The following SYTL2 variants were observed in gnomAD, a reference collection of about 807,000 sequenced individuals.
SYTL2 encodes synaptotagmin-like protein 2.
Under a neutral mutation model 198.7 loss-of-function variants are expected in SYTL2, and 165 were observed. That is an observed-to-expected ratio of 0.83 (90% CI 0.73 to 0.94). The LOEUF (loss-of-function observed/expected upper bound fraction) is 0.94, where lower values mean the gene tolerates loss of function less well. Ranked by LOEUF, SYTL2 falls within the 40% of genes least tolerant of loss-of-function variation. The pLI is 0.00. For synonymous variants in SYTL2, 966 were observed against 917.7 expected, an observed-to-expected ratio of 1.05 and a Z score of -0.95; for missense variants, 2,835 against 2,582.8, an observed-to-expected ratio of 1.10 and a Z score of -2.12.
chr11:85,748,505 G>A, intron 2 of SYTL2, 82 bp from the exon 3 acceptor site: 2 of 1,395,842 alleles, frequency 1.4e-6, no homozygotes, highest in Non-Finnish European at 2.0e-6. Context: ...AAAGACATGT[G>A]TAAACACACA....
chr11:85,708,345 G>T (rs1050368605), intron 14 of SYTL2, among the ~76,000 whole-genome samples: 1 of 151,850 alleles, frequency 6.6e-6, no homozygotes, highest in Non-Finnish European at 1.5e-5. Context: ...AAAAATAAAG[G>T]ATGTTGAGCT....
rs1170373804 is a variant in SYTL2 at position 85,727,597 on chromosome 11, T to TG, written c.1760_1761insC (p.Arg587SerfsTer3). 1.3e-6 allele frequency: 2 copies of TG among 1,536,016 alleles called. No individual in the cohort carries two copies. Among genetic ancestry groups the TG allele is most frequent in the East Asian group, 4.9e-5 (2 of 40,922 alleles). ...CCTCTGCTTGGAATGGTGAGTCAGATCTCACAGGCTTCAATTCAATTTTGC... is the reference window on the plus strand; with the variant it reads ...CCTCTGCTTGGAATGGTGAGTCAGATGCTCACAGGCTTCAATTCAATTTTGC... On this transcript the variant is annotated frameshift_variant, in exon 8 of 20. Coordinates refer to ENST00000359152, the MANE Select transcript of SYTL2 (RefSeq NM_206927.4). LOFTEE classifies it high-confidence loss of function.
intron 1 of SYTL2, among the ~76,000 whole-genome samples, chr11:85,794,182 T>C (rs1334977392): frequency 6.6e-6 from 1 of 151,880 alleles, no homozygotes; most frequent in African/African-American, 2.4e-5. Context: ...ATTTAAATTT[T>C]TTTTTCTTTT....
rs753943776 is a variant in SYTL2 at position 85,734,293 on chromosome 11, G to T, written c.1036C>A (p.Pro346Thr). 2 of 1,614,148 alleles carry T rather than the reference G, an allele frequency of 1.2e-6. No homozygotes were observed. The highest frequency in any genetic ancestry group is 4.5e-5 in the East Asian group (2 of 44,886). ...ACTTCCCGACCATGGATTAGCCCAG[G>T]ACTCTGTGGAAGCTCATCCTTCACT... ...SAVKDELPQS[P>T]GLIHGREVGE... Residue 346 changes from proline to threonine, a missense_variant, in exon 7 of 20, where the codon CCT (proline) becomes ACT (threonine). Pro to Thr is a conservative substitution (Grantham distance 38). Coordinates refer to ENST00000359152, the MANE Select transcript of SYTL2 (RefSeq NM_206927.4).
At chr11:85,700,618 G>T (rs747117203) in intron 16 of SYTL2, 25 bp from the exon 17 acceptor site, 2 of 1,584,572 alleles carry the variant, frequency 1.3e-6, no homozygotes, top group Non-Finnish European at 1.7e-6. Flanking sequence ...AATGTCAGCA[G>T]GTGGGAGACA....
intron 17 of SYTL2, among the ~76,000 whole-genome samples, chr11:85,699,521 G>A (rs928025538): frequency 6.6e-6 from 1 of 152,024 alleles, no homozygotes; most frequent in Non-Finnish European, 1.5e-5. Context: ...CAGTCTGACA[G>A]CAATCCAGCC....
intron 4 of SYTL2, among the ~76,000 whole-genome samples, chr11:85,738,084 G>A (rs1032695608): frequency 6.6e-6 from 1 of 152,256 alleles, no homozygotes; most frequent in Non-Finnish European, 1.5e-5. Flanking sequence ...CAGGAGCTTG[G>A]AAAACACCTT....
chr11:85,798,276 A>G lies in SYTL2; in HGVS notation c.-390+12678T>C, dbSNP rs568781806. Among the ~76,000 whole-genome samples, 12 of 152,276 alleles carry G rather than the reference A, an allele frequency of 7.9e-5. No individual in the cohort carries two copies. The South Asian group carries it at 1.9e-3, about 24-fold the overall frequency. On this transcript the variant is annotated intron_variant, in intron 1 of 19. Coordinates refer to ENST00000359152, the MANE Select transcript of SYTL2 (RefSeq NM_206927.4). ...TCAAAGTTTGAAATTTTAAAGCTTG[A>G]CACTTATTTCTAAAAGGTGAAATGT...
chr11:85,745,693 T>C lies in SYTL2; in HGVS notation c.333A>G (p.Pro111=), dbSNP rs1282062697. ...NNVNKDAFLP[P]ELAGVVEEPE... Reference sequence around the variant, plus strand: ...GCTCTTCTACAACGCCAGCCAGCTCTGGAGGAAGGAAAGCATCTTTGTTGA... The same window carrying C: ...GCTCTTCTACAACGCCAGCCAGCTCCGGAGGAAGGAAAGCATCTTTGTTGA... The change falls in exon 4 of 20, where the codon CCA becomes CCG. Residue 111 remains proline, a synonymous_variant. Transcript: ENST00000359152. 6.2e-7 allele frequency: 1 copy of C among 1,613,890 alleles called. No individual in the cohort carries two copies. The highest frequency in any genetic ancestry group is 1.3e-5 in the African/African-American group (1 of 74,944).
intron 16 of SYTL2, among the ~76,000 whole-genome samples, chr11:85,703,287 C>T (rs2084628691): frequency 6.6e-6 from 1 of 152,120 alleles, no homozygotes. Flanking sequence ...ATTCAAGCAG[C>T]TCACTGAACC....
At chr11:85,847,387 T>A in the SYTL2 span, among the ~76,000 whole-genome samples, 415 of 149,380 alleles carry the variant, frequency 2.8e-3, 2 homozygotes, top group African/African-American at 9.7e-3. Context: ...CCCCCCACCC[T>A]TTTTTTTTTC....
intron 1 of SYTL2, among the ~76,000 whole-genome samples, chr11:85,790,136 T>C (rs913030791): frequency 4.6e-5 from 7 of 152,312 alleles, no homozygotes; most frequent in Admixed American, 2.6e-4. Flanking sequence ...CTTTTGTGCA[T>C]AGAACAAAGT....
In SYTL2 at chr11:85,745,654, T is replaced by C. The variant is rs2153520477; in HGVS notation, c.372A>G (p.Ala124=). The C allele has an allele frequency of 6.2e-7, 1 of 1,613,282 alleles. No individual in the cohort carries two copies. Among genetic ancestry groups the C allele is most frequent in the Non-Finnish European group, 8.5e-7 (1 of 1,179,302 alleles). Reference sequence around the variant, plus strand: ...TGCCTTACCTCGGGCTTGCTGGTGCTGCATCTTCTTCTGGCTCTTCTACAA... The same window carrying C: ...TGCCTTACCTCGGGCTTGCTGGTGCCGCATCTTCTTCTGGCTCTTCTACAA... ...AGVVEEPEED[A]APASPSSSVV... The change falls in exon 4 of 20, where the codon GCA becomes GCG. Residue 124 remains alanine (A), a synonymous_variant. Coordinates refer to ENST00000359152, the MANE Select transcript of SYTL2 (RefSeq NM_206927.4).
intron 16 of SYTL2, among the ~76,000 whole-genome samples, chr11:85,701,886 T>TA (rs1453290026): frequency 6.6e-6 from 1 of 152,220 alleles, no homozygotes; most frequent in African/African-American, 2.4e-5. Flanking sequence ...AACAAGATCT[T>TA]AGAGTCTGAC....
chr11:85,730,952 A>AG (rs2089752459), intron 7 of SYTL2, among the ~76,000 whole-genome samples: 2 of 152,130 alleles, frequency 1.3e-5, no homozygotes, highest in Admixed American at 6.5e-5. Flanking sequence ...CACCAATAAT[A>AG]AAGAGCCAAA....
chr11:85,700,939 C>A (rs539086746), intron 16 of SYTL2, among the ~76,000 whole-genome samples: 3 of 152,148 alleles, frequency 2.0e-5, no homozygotes, highest in Admixed American at 1.3e-4. Flanking sequence ...GCTATTCAGC[C>A]AGCATATAAA....
chr11:85,843,504 G>A, the SYTL2 span, among the ~76,000 whole-genome samples: 1 of 152,278 alleles, frequency 6.6e-6, no homozygotes, highest in Non-Finnish European at 1.5e-5. Context: ...GGAGGGGGTG[G>A]AAGATAATGA....
chr11:85,738,892 C>G (rs2090569895), intron 4 of SYTL2, among the ~76,000 whole-genome samples: 1 of 152,118 alleles, frequency 6.6e-6, no homozygotes, highest in Non-Finnish European at 1.5e-5. Flanking sequence ...AAAGGATAAG[C>G]AGAGTGTCTA....
At position 85,730,759 on chromosome 11, in the gene SYTL2, GA is replaced by G. The variant is rs950738133; in HGVS notation, c.1391-2793del. 1.5e-3 allele frequency among the ~76,000 whole-genome samples: 222 copies of G among 150,590 alleles called. 1 individual carries two copies. Among genetic ancestry groups the G allele is most frequent in the East Asian group, 0.01 (53 of 5,114 alleles). On this transcript the variant is annotated intron_variant, in intron 7 of 19. Transcript: ENST00000359152. ...TTCTGGCTAGGACAATCAGGCAAGA[GA>G]AAAAAAAAAATGGTATTCAAATAGG...
Sources: gnomAD v4.1 joint callset for allele counts (sites outside exome capture counted in the v4.1 genomes callset) on GRCh38, gnomAD v4.1.1 for gene constraint, MANE v1.5 for transcripts, NCBI Gene and HGNC (gene_info 2026-07-23, HGNC 2026-07-21) for gene names.